GRM7: variants seen among roughly 807,000 people sequenced by gnomAD.
GRM7 encodes metabotropic glutamate receptor 7.
A neutral mutation model predicts 84.5 loss-of-function variants in GRM7; 35 were observed. The observed-to-expected ratio is 0.41, with a 90% CI of 0.32 to 0.55. The LOEUF (loss-of-function observed/expected upper bound fraction) is 0.55. Ranked by LOEUF, GRM7 falls within the 20% of genes least tolerant of loss-of-function variation. The pLI, the probability that GRM7 is intolerant of heterozygous loss-of-function variation, is 0.19. For synonymous variants in GRM7, 487 were observed against 455.1 expected, an observed-to-expected ratio of 1.07 and a Z score of -0.89; for missense variants, 1,003 against 1,194.6, an observed-to-expected ratio of 0.84 and a Z score of 2.36.
At chr3:7,311,675 C>A (rs1480178336) in intron 4 of GRM7, among the ~76,000 whole-genome samples, 1 of 151,130 alleles carries the variant, frequency 6.6e-6, no homozygotes, top group East Asian at 1.9e-4. Context: ...CTTACTGCAA[C>A]CTCTGCCTCC....
At chr3:7,050,744 G>A (rs1310640940) in intron 1 of GRM7, among the ~76,000 whole-genome samples, 1 of 151,858 alleles carries the variant, frequency 6.6e-6, no homozygotes, top group African/African-American at 2.4e-5. Context: ...GAATGCTGTT[G>A]TTTCATATGG....
At chr3:7,071,431 C>T (rs960413790) in intron 1 of GRM7, among the ~76,000 whole-genome samples, 3 of 152,028 alleles carry the variant, frequency 2.0e-5, no homozygotes, top group Admixed American at 2.0e-4. Context: ...CTAGCCATTC[C>T]AGAGGTGAAG....
chr3:7,273,771 G>A (rs1224125996), intron 2 of GRM7, among the ~76,000 whole-genome samples: 1 of 151,868 alleles, frequency 6.6e-6, no homozygotes, highest in Non-Finnish European at 1.5e-5. Flanking sequence ...GTGTGTGTGT[G>A]CTTGTGTACA....
At chr3:6,989,989 G>A (rs1198932247) in intron 1 of GRM7, among the ~76,000 whole-genome samples, 1 of 152,182 alleles carries the variant, frequency 6.6e-6, no homozygotes, top group Admixed American at 6.5e-5. Flanking sequence ...CAGTTGCTCT[G>A]ATTTTGTGAC....
chr3:7,321,690 T>C (rs1700788452), intron 4 of GRM7, among the ~76,000 whole-genome samples: 1 of 152,058 alleles, frequency 6.6e-6, no homozygotes, highest in African/African-American at 2.4e-5. Context: ...CACTAATTTA[T>C]TCTAACCTCA....
chr3:7,223,571 T>C (rs1696881273), intron 2 of GRM7, among the ~76,000 whole-genome samples: 1 of 152,162 alleles, frequency 6.6e-6, no homozygotes, highest in South Asian at 2.1e-4. Flanking sequence ...TTCTCATCTT[T>C]CCTTTTTTAT....
intron 2 of GRM7, among the ~76,000 whole-genome samples, chr3:7,285,692 T>C (rs183053346): frequency 1.5e-3 from 229 of 152,196 alleles, no homozygotes; most frequent in Non-Finnish European, 2.7e-3. Flanking sequence ...ACCTACCAAA[T>C]AGTTTTTTGC....
At chr3:7,570,481 C>A (rs570941393) in intron 7 of GRM7, among the ~76,000 whole-genome samples, 11 of 152,188 alleles carry the variant, frequency 7.2e-5, no homozygotes, top group Non-Finnish European at 1.5e-4. Flanking sequence ...TCCAGCAGGG[C>A]AGTCAAATCT....
At chr3:7,721,222 T>A (rs1270198174) in intron 9 of GRM7, among the ~76,000 whole-genome samples, 1 of 152,204 alleles carries the variant, frequency 6.6e-6, no homozygotes, top group Non-Finnish European at 1.5e-5. Flanking sequence ...ATTTTGGCAA[T>A]ATTGGTTTTT....
chr3:7,620,602 A>G (rs1575563205), intron 8 of GRM7, among the ~76,000 whole-genome samples: 1 of 152,278 alleles, frequency 6.6e-6, no homozygotes, highest in East Asian at 1.9e-4. Flanking sequence ...GCACAGAACC[A>G]ATATTATATA....
chr3:6,913,180 G>A (rs1696830268), intron 1 of GRM7, among the ~76,000 whole-genome samples: 1 of 152,030 alleles, frequency 6.6e-6, no homozygotes, highest in African/African-American at 2.4e-5. Context: ...ATATGTCTTT[G>A]CCAGATCCCC....
chr3:7,681,782 G>A (rs991754955), intron 9 of GRM7: 1 of 152,164 alleles, frequency 6.6e-6, no homozygotes, highest in African/African-American at 2.4e-5. Flanking sequence ...CAGCCATGTG[G>A]CATTAAGAAT....
intron 2 of GRM7, among the ~76,000 whole-genome samples, chr3:7,178,174 A>C (rs1011538543): frequency 3.3e-5 from 5 of 152,214 alleles, no homozygotes; most frequent in Non-Finnish European, 5.9e-5. Flanking sequence ...ATGGCTTCAG[A>C]AAGTCTGGAC....
intron 9 of GRM7, among the ~76,000 whole-genome samples, chr3:7,729,855 G>A (rs572524080): frequency 9.7e-5 from 13 of 134,246 alleles, no homozygotes; most frequent in Non-Finnish European, 1.6e-4. Flanking sequence ...ACAGGTGCAT[G>A]CCACCACCTC....
chr3:7,099,276 T>TACATGTATTATACATGTATATATGTAC lies in GRM7; in HGVS notation c.520-47113_520-47087dup, dbSNP rs1282067700. Reference sequence around the variant, plus strand: ...CATGTATTATACATGTATATATGAATACATGTATTATACATGTATATATGT... The same window carrying TACATGTATTATACATGTATATATGTAC: ...CATGTATTATACATGTATATATGAATACATGTATTATACATGTATATATGTACACATGTATTATACATGTATATATGT... On this transcript the variant is annotated intron_variant, in intron 1 of 9. Coordinates refer to ENST00000357716, the MANE Select transcript of GRM7 (RefSeq NM_000844.4). 2.0e-3 allele frequency among the ~76,000 whole-genome samples: 150 copies of TACATGTATTATACATGTATATATGTAC among 75,870 alleles called. 9 individuals carry two copies. The highest frequency in any genetic ancestry group is 2.3e-3 in the Non-Finnish European group (102 of 45,054). The allele number at this position is 75,870 out of a possible 152,430, so 49.8% of individuals were successfully genotyped here.
At chr3:7,417,393 T>C (rs1696210316) in intron 5 of GRM7, among the ~76,000 whole-genome samples, 1 of 152,142 alleles carries the variant, frequency 6.6e-6, no homozygotes, top group East Asian at 1.9e-4. Context: ...TCCTTCCTTT[T>C]TCCAAATCCA....
At chr3:7,186,719 T>C (rs1383004403) in intron 2 of GRM7, among the ~76,000 whole-genome samples, 2 of 152,190 alleles carry the variant, frequency 1.3e-5, no homozygotes, top group East Asian at 3.9e-4. Context: ...CGTCTTTAGC[T>C]TGTCTTTCTG....
intron 9 of GRM7, among the ~76,000 whole-genome samples, chr3:7,726,619 A>C (rs1178526477): frequency 0.052 from 1,015 of 19,502 alleles, 43 homozygotes; most frequent in African/African-American, 0.14. Context: ...CCCTCTATAT[A>C]TATATATATA....
At chr3:7,116,929 C>A (rs996604392) in intron 1 of GRM7, among the ~76,000 whole-genome samples, 1 of 152,046 alleles carries the variant, frequency 6.6e-6, no homozygotes, top group Non-Finnish European at 1.5e-5. Flanking sequence ...AATATTTGAC[C>A]ACTTAATGTA....
Sources: gnomAD v4.1 joint callset for allele counts (sites outside exome capture counted in the v4.1 genomes callset) on GRCh38, gnomAD v4.1.1 for gene constraint, MANE v1.5 for transcripts, NCBI Gene and HGNC (gene_info 2026-07-23, HGNC 2026-07-21) for gene names.